Variants in MARCO observed in about 807,000 individuals in gnomAD.
MARCO encodes the protein macrophage receptor with collagenous structure.
MARCO carries 72 observed loss-of-function variants against 70.0 expected under a neutral mutation model. The ratio of observed to expected loss-of-function variants is 1.03; its 90% CI spans 0.85 to 1.25. The LOEUF (loss-of-function observed/expected upper bound fraction) is 1.25. MARCO is among the 50% of genes most tolerant of loss of function. The pLI, the probability that MARCO is intolerant of heterozygous loss-of-function variation, is 0.00. For missense variants in MARCO, 696 were observed against 659.3 expected (o/e 1.06, Z -0.61); for synonymous variants, 273 against 243.1 (o/e 1.12, Z -1.14).
At chr2:118,982,650 A>T (rs1680416738) in intron 12 of MARCO, among the ~76,000 whole-genome samples, 1 of 152,144 alleles carries the variant, frequency 6.6e-6, no homozygotes, top group Non-Finnish European at 1.5e-5. Context: ...CCAAACCTCC[A>T]GCATCACGGA....
At chr2:118,964,866 C>A (rs1446861688) in intron 1 of MARCO, among the ~76,000 whole-genome samples, 1 of 143,216 alleles carries the variant, frequency 7.0e-6, no homozygotes, top group Non-Finnish European at 1.5e-5. Context: ...CCAGCCTGGG[C>A]GACAGAGTGA....
chr2:118,959,285 T>A (rs1391085970), intron 1 of MARCO, among the ~76,000 whole-genome samples: 3 of 151,052 alleles, frequency 2.0e-5, no homozygotes, highest in Non-Finnish European at 4.4e-5. Context: ...CTCAAACAAA[T>A]CAGTAAGAAA....
chr2:118,954,958 AAATGAGAAGG>A (rs1195243508), intron 1 of MARCO, among the ~76,000 whole-genome samples: 2 of 152,106 alleles, frequency 1.3e-5, no homozygotes, highest in African/African-American at 4.8e-5. Flanking sequence ...GAACCTACCC[AAATGAGAAGG>A]AACTAGAAAA....
intron 1 of MARCO, among the ~76,000 whole-genome samples, chr2:118,946,332 C>A (rs1412131696): frequency 6.6e-6 from 1 of 152,164 alleles, no homozygotes; most frequent in Non-Finnish European, 1.5e-5. Flanking sequence ...CTCACTCCCC[C>A]ACCAGCAGTC....
intron 3 of MARCO, 61 bp downstream of exon 3, chr2:118,970,399 C>A: frequency 1.5e-6 from 2 of 1,306,982 alleles, no homozygotes; most frequent in Non-Finnish European, 2.1e-6. Flanking sequence ...ACAGCGGGAT[C>A]AGGAACCAGG....
intron 15 of MARCO, among the ~76,000 whole-genome samples, chr2:118,992,818 C>G (rs1176328403): frequency 6.6e-6 from 1 of 151,138 alleles, no homozygotes; most frequent in East Asian, 2.0e-4. Context: ...TTCCTTCCTT[C>G]TCTTTTCTCA....
In MARCO at chr2:118,986,233, G is replaced by T. The variant is rs115997111; in HGVS notation, c.1063+3823G>T. ...TCATCTCACTTCTTACCACAAGGTC[G>T]ATTTGTCAGTTATTAGCTCAATCCT... On this transcript the variant is annotated intron_variant, in intron 12 of 16. Coordinates refer to ENST00000327097, the MANE Select transcript of MARCO (RefSeq NM_006770.4). Among the ~76,000 whole-genome samples the T allele has an allele frequency of 1.8e-3, 271 of 152,214 alleles. 2 individuals carry two copies. Among genetic ancestry groups the T allele is most frequent in the African/African-American group, 6.3e-3 (262 of 41,532 alleles).
chr2:118,986,684 A>AGAAGGAAGGAAGGAAG (rs1573407404), intron 12 of MARCO, among the ~76,000 whole-genome samples: 6 of 62,944 alleles, frequency 9.5e-5, no homozygotes, highest in Non-Finnish European at 1.3e-4. Context: ...AAAGAAAGAA[A>AGAAGGAAGGAAGGAAG]GAAAGAAAGA....
At position 118,949,106 on chromosome 2, in the gene MARCO, C is replaced by T. The variant is rs188778351; in HGVS notation, c.97+6709C>T. ...TGGAAGATGGAGGCTGGATGGCCCT[C>T]GCAGGCTGATCCGCAGGGTGTTGAA... On this transcript the variant is annotated intron_variant, in intron 1 of 16. Transcript: ENST00000327097. Among the ~76,000 whole-genome samples, 409 of 152,220 alleles carry T rather than the reference C, an allele frequency of 2.7e-3. 1 individual carries two copies. The highest frequency in any genetic ancestry group is 9.4e-3 in the African/African-American group (390 of 41,536).
intron 1 of MARCO, chr2:118,949,230 G>C (rs950754383): frequency 2.0e-5 from 3 of 152,152 alleles, no homozygotes; most frequent in African/African-American, 7.2e-5. Context: ...CCCTTGATTT[G>C]AGGACCATGC....
At position 118,994,603 on chromosome 2, in the gene MARCO, TG is replaced by T. The variant is rs1680688437; in HGVS notation, c.*87del. 5 of 1,374,772 alleles carry T rather than the reference TG, an allele frequency of 3.6e-6. No homozygotes were observed. In the South Asian group the frequency reaches 5.7e-5, roughly 16 times the overall value. 85.2% of individuals were successfully genotyped at this position (1,374,772 alleles called of 1,614,324 possible). Reference sequence around the variant, plus strand: ...GGCAGAGGATCTCTGAGGAGTTCCCTGGGGACAACTGAGCAGCCTCTGGAGA... The same window carrying T: ...GGCAGAGGATCTCTGAGGAGTTCCCTGGGACAACTGAGCAGCCTCTGGAGA... On this transcript the variant is annotated 3_prime_UTR_variant, in exon 17 of 17. Transcript: ENST00000327097.
chr2:118,990,569 C>CGGGGGGGGGG lies in MARCO; in HGVS notation c.1064-20_1064-19insGGGGGGGGGG. 1.3e-5 allele frequency: 19 copies of CGGGGGGGGGG among 1,415,816 alleles called. No homozygotes were observed. The highest frequency in any genetic ancestry group is 1.7e-5 in the Non-Finnish European group (17 of 1,028,186). The allele number at this position is 1,415,816 out of a possible 1,614,324, so 87.7% of individuals were successfully genotyped here. ...AGTTTTATTATCTCCTCCCCCCCCC[C>CGGGGGGGGGG]TTTTTTGTTTTGATCTTAGGACTTC... On this transcript the variant is annotated intron_variant, in intron 12 of 16. Transcript: ENST00000327097.
intron 1 of MARCO, among the ~76,000 whole-genome samples, chr2:118,959,585 T>A (rs1679903749): frequency 6.6e-6 from 1 of 152,162 alleles, no homozygotes; most frequent in Non-Finnish European, 1.5e-5. Context: ...GGAGATTCCT[T>A]AAAGAAGTAA....
intron 1 of MARCO, among the ~76,000 whole-genome samples, chr2:118,953,477 T>A (rs1179531575): frequency 6.6e-6 from 1 of 152,244 alleles, no homozygotes; most frequent in Admixed American, 6.5e-5. Context: ...GTGGTTGATT[T>A]TTGTGTGTTC....
intron 1 of MARCO, 95 bp from the exon 2 acceptor site, chr2:118,969,064 TG>T (rs1680110696): frequency 1.2e-6 from 1 of 816,254 alleles, no homozygotes. Flanking sequence ...CCTCACAGGG[TG>T]CCCCCTGCTC....
At chr2:118,953,517 T>C (rs1679767569) in intron 1 of MARCO, among the ~76,000 whole-genome samples, 1 of 152,218 alleles carries the variant, frequency 6.6e-6, no homozygotes, top group Non-Finnish European at 1.5e-5. Flanking sequence ...TGTGAATTTA[T>C]TTATTCATTC....
chr2:118,970,559 TGGACC>T, intron 3 of MARCO, among the ~76,000 whole-genome samples: 1 of 152,270 alleles, frequency 6.6e-6, no homozygotes, highest in Non-Finnish European at 1.5e-5. Context: ...GGCGGTTCCC[TGGACC>T]ACTCCCCCAC....
Position 118,984,692 on chromosome 2 carries a change from T to C in MARCO, c.1063+2282T>C, listed in dbSNP as rs142303959. On this transcript the variant is annotated intron_variant, in intron 12 of 16. Coordinates refer to ENST00000327097, the MANE Select transcript of MARCO (RefSeq NM_006770.4). ...AGATCATCCTGGAGTCATAGGCTAA[T>C]AAACTTCCGGAGAGATTAGATTTGA... is the stretch of plus-strand genomic sequence containing the variant. 3.2e-3 allele frequency among the ~76,000 whole-genome samples: 485 copies of C among 152,298 alleles called. 2 individuals are homozygous for C. Among genetic ancestry groups the C allele is most frequent in the Non-Finnish European group, 5.9e-3 (398 of 68,014 alleles).
At chr2:118,988,262 G>A (rs1186301315) in intron 12 of MARCO, among the ~76,000 whole-genome samples, 1 of 152,066 alleles carries the variant, frequency 6.6e-6, no homozygotes, top group East Asian at 1.9e-4. Flanking sequence ...CTATGGACCT[G>A]GTGAACAGGG....
Sources: allele counts gnomAD v4.1 joint callset (sites outside exome capture counted in the v4.1 genomes callset), GRCh38; gene constraint gnomAD v4.1.1; transcripts MANE v1.5; gene names NCBI Gene and HGNC (gene_info 2026-07-23, HGNC 2026-07-21).